The following RIMKLB variants were observed in gnomAD, a reference collection of about 807,000 sequenced individuals.
RIMKLB encodes ribosomal modification protein rimK like family member B, also known as beta-citrylglutamate synthase B.
In RIMKLB, 7 loss-of-function variants were observed where a neutral mutation model predicts 32.0. The observed-to-expected ratio is 0.22, with a 90% CI of 0.12 to 0.41. RIMKLB has a LOEUF of 0.41. Among genes scored for constraint, RIMKLB ranks in the 10% least tolerant of loss-of-function variants. The probability of loss-of-function intolerance (pLI) is 1.00; values close to 1 mark genes in which losing one functional copy is unlikely to be tolerated. For missense variants in RIMKLB, 289 were observed against 498.7 expected, an observed-to-expected ratio of 0.58 and a Z score of 4.00; for synonymous variants, 172 against 185.1, an observed-to-expected ratio of 0.93 and a Z score of 0.57.
At chr12:8,685,330 T>A (rs1470388188) in intron 1 of RIMKLB, among the ~76,000 whole-genome samples, 1 of 152,214 alleles carries the variant, frequency 6.6e-6, no homozygotes, top group Non-Finnish European at 1.5e-5. Context: ...GGAGAGTTTT[T>A]ATTTTTATCC....
downstream of RIMKLB, chr12:8,779,304 C>A (rs1165120581): frequency 6.6e-6 from 1 of 152,158 alleles, no homozygotes; most frequent in Non-Finnish European, 1.5e-5. Flanking sequence ...AGCATATATA[C>A]CTGGCTGCTA....
chr12:8,762,984 G>A (rs1329946694), intron 5 of RIMKLB, among the ~76,000 whole-genome samples: 2 of 152,194 alleles, frequency 1.3e-5, no homozygotes, highest in African/African-American at 2.4e-5. Flanking sequence ...TTGCACAAGT[G>A]CACAGTTGCA....
the RIMKLB span, among the ~76,000 whole-genome samples, chr12:8,671,220 A>G: frequency 6.6e-6 from 1 of 150,866 alleles, no homozygotes; most frequent in Non-Finnish European, 1.5e-5. Flanking sequence ...GCTGGCTTGA[A>G]TTTCTCCCCA....
At chr12:8,701,903 G>C (rs1020402807) in intron 1 of RIMKLB, among the ~76,000 whole-genome samples, 6 of 151,698 alleles carry the variant, frequency 4.0e-5, no homozygotes, top group African/African-American at 7.3e-5. Flanking sequence ...TACTCGGGGG[G>C]GCTGAGGCAG....
At chr12:8,738,785 T>G (rs1231967107) in intron 2 of RIMKLB, among the ~76,000 whole-genome samples, 1 of 152,116 alleles carries the variant, frequency 6.6e-6, no homozygotes, top group Non-Finnish European at 1.5e-5. Flanking sequence ...TCCAAGAAAT[T>G]TCATTTATAT....
intron 2 of RIMKLB, among the ~76,000 whole-genome samples, chr12:8,740,158 G>A (rs758882628): frequency 2.0e-5 from 3 of 152,092 alleles, no homozygotes; most frequent in Admixed American, 1.3e-4. Flanking sequence ...TGCCTGCCTC[G>A]TCCTCCCAAA....
At chr12:8,717,070 C>CT (rs1196151503) in intron 2 of RIMKLB, among the ~76,000 whole-genome samples, 5,272 of 113,864 alleles carry the variant, frequency 0.046, 237 homozygotes, top group African/African-American at 0.14. Context: ...TTTTTTTTTT[C>CT]TTTTTTTTTT....
intron 2 of RIMKLB, among the ~76,000 whole-genome samples, chr12:8,738,541 A>G (rs1280799615): frequency 3.3e-5 from 5 of 152,204 alleles, no homozygotes; most frequent in Admixed American, 6.5e-5. Flanking sequence ...CAGTATTTGT[A>G]TGGTCATCCG....
At chr12:8,766,197 G>C (rs1292512737) in intron 5 of RIMKLB, among the ~76,000 whole-genome samples, 5 of 152,124 alleles carry the variant, frequency 3.3e-5, no homozygotes, top group Non-Finnish European at 5.9e-5. Context: ...TGGTCTTAAT[G>C]CTTATTCCTT....
rs1368326172 is a variant in RIMKLB, at chr12:8,774,464, A to G, written c.*680A>G. The G allele has an allele frequency of 1.0e-6, 1 of 985,122 alleles. No individual in the cohort carries two copies. The highest frequency in any genetic ancestry group is 6.1e-5 in the Admixed American group (1 of 16,276). 61.0% of individuals were successfully genotyped at this position (985,122 alleles called of 1,614,324 possible). A position where few individuals can be genotyped will look rare whatever the true frequency, so the allele number is the denominator to read the frequency against. On this transcript the variant is annotated 3_prime_UTR_variant, in exon 6 of 6. Transcript: ENST00000535829. The stretch of plus-strand genomic sequence containing the variant: ...AGTATTGCAATGTCCGGTATACAAA[A>G]TAACATTAATTCAATGTAGATAAAA...
At chr12:8,769,442 T>C (rs940082641) in intron 5 of RIMKLB, among the ~76,000 whole-genome samples, 2 of 152,198 alleles carry the variant, frequency 1.3e-5, no homozygotes, top group African/African-American at 4.8e-5. Flanking sequence ...AGCTAAGTTT[T>C]GTTTTTTATT....
downstream of RIMKLB, chr12:8,779,991 A>G (rs982313746): frequency 1.3e-5 from 2 of 152,114 alleles, no homozygotes; most frequent in African/African-American, 4.8e-5. Context: ...AAATATACCC[A>G]CTGCTTATAT....
chr12:8,726,733 C>T (rs190861579), intron 2 of RIMKLB, among the ~76,000 whole-genome samples: 26 of 151,066 alleles, frequency 1.7e-4, no homozygotes, highest in African/African-American at 6.3e-4. Flanking sequence ...ATAGATGGCA[C>T]GTAGTTGGGT....
chr12:8,738,426 TGTA>T (rs1014493116), intron 2 of RIMKLB, among the ~76,000 whole-genome samples: 1 of 152,188 alleles, frequency 6.6e-6, no homozygotes, highest in African/African-American at 2.4e-5. Context: ...AAAAAGTTGA[TGTA>T]GTAATAACGA....
chr12:8,764,196 G>C (rs1949763475), intron 5 of RIMKLB, among the ~76,000 whole-genome samples: 1 of 152,132 alleles, frequency 6.6e-6, no homozygotes, highest in African/African-American at 2.4e-5. Context: ...TCGGGTCTAA[G>C]GGGGTACTTC....
rs929284244 is a variant in RIMKLB, at chr12:8,776,458, C to T, written c.*2674C>T. 6 of 802,644 alleles carry T rather than the reference C, an allele frequency of 7.5e-6. No homozygotes were observed. In the African/African-American group the frequency reaches 9.3e-5, roughly 12 times the overall value. 49.7% of individuals were successfully genotyped at this position (802,644 alleles called of 1,614,324 possible). A position where few individuals can be genotyped will look rare whatever the true frequency, so the allele number is the denominator to read the frequency against. Reference sequence around the variant, plus strand: ...AATTGTTTAATAACTTTTGTATAATCTTCATTGCTATTATGAGAGAGAATG... The same window carrying T: ...AATTGTTTAATAACTTTTGTATAATTTTCATTGCTATTATGAGAGAGAATG... On this transcript the variant is annotated 3_prime_UTR_variant, in exon 6 of 6. Coordinates refer to ENST00000535829, the MANE Select transcript of RIMKLB (RefSeq NM_001297776.2).
At chr12:8,748,519 CGTGTGTGTGTGTGTGTGTGT>C (rs58187682) in intron 2 of RIMKLB, among the ~76,000 whole-genome samples, 2 of 131,278 alleles carry the variant, frequency 1.5e-5, no homozygotes, top group Admixed American at 7.7e-5. Flanking sequence ...TGGGATTATT[CGTGTGTGTGTGTGTGTGTGT>C]GTGTGTGTGT....
chr12:8,674,311 T>C, the RIMKLB span, among the ~76,000 whole-genome samples: 1 of 146,344 alleles, frequency 6.8e-6, no homozygotes, highest in Admixed American at 7.0e-5. Flanking sequence ...TGATCTCGGC[T>C]CACTGCAAGC....
intron 1 of RIMKLB, among the ~76,000 whole-genome samples, chr12:8,699,047 C>T (rs565824585): frequency 2.0e-5 from 3 of 152,044 alleles, no homozygotes; most frequent in African/African-American, 7.2e-5. Flanking sequence ...TGTTATTTCA[C>T]TGTTTTATCC....
Sources: allele counts gnomAD v4.1 joint callset (sites outside exome capture counted in the v4.1 genomes callset), GRCh38; gene constraint gnomAD v4.1.1; transcripts MANE v1.5; gene names NCBI Gene and HGNC (gene_info 2026-07-23, HGNC 2026-07-21).